Variants in CLIC4 observed in about 807,000 individuals in gnomAD.
CLIC4 encodes the protein chloride intracellular channel protein 4.
CLIC4 carries 13 observed loss-of-function variants against 24.6 expected under a neutral mutation model. The ratio of observed to expected loss-of-function variants is 0.53; its 90% CI spans 0.34 to 0.84. CLIC4 has a LOEUF of 0.84. CLIC4 is among the 40% of genes least tolerant of loss of function. CLIC4 has a pLI of 0.01. For synonymous variants in CLIC4, 104 were observed against 111.3 expected (o/e 0.93, Z 0.41); for missense variants, 227 against 301.7 (o/e 0.75, Z 1.83).
In CLIC4 at chr1:24,823,786, A is replaced by G. The variant is rs1253066993; in HGVS notation, c.309-3224A>G. On this transcript the variant is annotated intron_variant, in intron 3 of 5. Coordinates refer to ENST00000374379, the MANE Select transcript of CLIC4 (RefSeq NM_013943.3). The stretch of plus-strand genomic sequence containing the variant: ...CAAAACTCTGTCTCAAAAAAAAAAA[A>G]AAAAAAGACATACAAAAAAGGAATT... Among the ~76,000 whole-genome samples, 3 of 151,588 alleles carry G rather than the reference A, an allele frequency of 2.0e-5. No individual in the cohort carries two copies. The East Asian group carries it at 5.8e-4, about 29-fold the overall frequency.
chr1:24,808,909 C>T (rs1450828955), intron 2 of CLIC4, among the ~76,000 whole-genome samples: 1 of 152,088 alleles, frequency 6.6e-6, no homozygotes, highest in Non-Finnish European at 1.5e-5. Context: ...AACTCCCGAC[C>T]TCAAGTGATC....
chr1:24,829,802 G>T (rs958163591), intron 4 of CLIC4, among the ~76,000 whole-genome samples: 2 of 152,070 alleles, frequency 1.3e-5, no homozygotes, highest in African/African-American at 4.8e-5. Context: ...CACTACTCCT[G>T]CCTTTCTCTC....
intron 1 of CLIC4, among the ~76,000 whole-genome samples, chr1:24,749,124 G>A (rs1336773769): frequency 6.6e-6 from 1 of 151,906 alleles, no homozygotes; most frequent in Non-Finnish European, 1.5e-5. Flanking sequence ...TGAGGCAGGA[G>A]AATTGCTTGA....
At chr1:24,837,094 G>C (rs1639893369) in intron 4 of CLIC4, among the ~76,000 whole-genome samples, 1 of 151,960 alleles carries the variant, frequency 6.6e-6, no homozygotes, top group Non-Finnish European at 1.5e-5. Context: ...TAAGGAAGTA[G>C]AAAACAAACA....
intron 1 of CLIC4, among the ~76,000 whole-genome samples, chr1:24,783,070 C>T (rs910511502): frequency 1.3e-5 from 2 of 152,134 alleles, no homozygotes; most frequent in Non-Finnish European, 1.5e-5. Context: ...ACTCTATTTG[C>T]TTTATTATTT....
intron 1 of CLIC4, among the ~76,000 whole-genome samples, chr1:24,756,480 CTT>C (rs1328630051): frequency 6.6e-6 from 1 of 152,106 alleles, no homozygotes; most frequent in Non-Finnish European, 1.5e-5. Context: ...TTTTCTTTCT[CTT>C]TTTTTGGTAA....
chr1:24,760,401 G>A (rs1557795437), intron 1 of CLIC4, among the ~76,000 whole-genome samples: 1 of 151,988 alleles, frequency 6.6e-6, no homozygotes, highest in Non-Finnish European at 1.5e-5. Flanking sequence ...ATCTTAAATA[G>A]ATCCTGCTTT....
intron 2 of CLIC4, among the ~76,000 whole-genome samples, chr1:24,801,682 A>G (rs750673919): frequency 3.3e-5 from 5 of 152,238 alleles, no homozygotes; most frequent in Non-Finnish European, 7.3e-5. Context: ...CCTGAGAGCT[A>G]TAATTCCATT....
intron 1 of CLIC4, among the ~76,000 whole-genome samples, chr1:24,747,548 A>AG (rs1553188162): frequency 4.2e-4 from 64 of 150,612 alleles, no homozygotes; most frequent in African/African-American, 1.0e-3. Flanking sequence ...AAAAAAAAAA[A>AG]AAAGAAAGAA....
chr1:24,760,543 T>G (rs1302459581), intron 1 of CLIC4, among the ~76,000 whole-genome samples: 4 of 152,166 alleles, frequency 2.6e-5, no homozygotes, highest in Non-Finnish European at 5.9e-5. Context: ...AAACATGCTC[T>G]GCACTTCTCT....
chr1:24,794,229 T>G (rs1219099129), intron 1 of CLIC4, among the ~76,000 whole-genome samples: 1 of 152,236 alleles, frequency 6.6e-6, no homozygotes, highest in African/African-American at 2.4e-5. Context: ...CTGAGTCGAA[T>G]GGTAGTTCTG....
intron 2 of CLIC4, among the ~76,000 whole-genome samples, chr1:24,799,376 C>T (rs893914215): frequency 1.1e-4 from 16 of 151,688 alleles, no homozygotes; most frequent in African/African-American, 1.9e-4. Flanking sequence ...TCTGTCCGGC[C>T]GCCCCGTCTG....
At chr1:24,807,754 C>G (rs557594680) in intron 2 of CLIC4, among the ~76,000 whole-genome samples, 1 of 152,138 alleles carries the variant, frequency 6.6e-6, no homozygotes, top group South Asian at 2.1e-4. Flanking sequence ...CTAACAAGAC[C>G]TTCTTCCCCT....
At chr1:24,762,781 A>G (rs1472881899) in intron 1 of CLIC4, among the ~76,000 whole-genome samples, 1 of 152,178 alleles carries the variant, frequency 6.6e-6, no homozygotes, top group Non-Finnish European at 1.5e-5. Context: ...ATAGGAAGTA[A>G]GAGACTGGAG....
intron 1 of CLIC4, among the ~76,000 whole-genome samples, chr1:24,754,031 CG>C: frequency 6.6e-6 from 1 of 151,864 alleles, no homozygotes; most frequent in East Asian, 1.9e-4. Flanking sequence ...TTGAGGTTTC[CG>C]GGGGGAAAAT....
intron 1 of CLIC4, among the ~76,000 whole-genome samples, chr1:24,748,748 C>G (rs1431361809): frequency 3.3e-5 from 5 of 151,974 alleles, no homozygotes. Flanking sequence ...ATCTGCCTGC[C>G]TTGGCCTCCC....
chr1:24,755,890 C>T (rs181526855), intron 1 of CLIC4, among the ~76,000 whole-genome samples: 8 of 151,690 alleles, frequency 5.3e-5, no homozygotes, highest in Admixed American at 3.3e-4. Context: ...GGTGCGATCT[C>T]GGCTCACTGC....
chr1:24,773,240 A>G (rs2124103773), intron 1 of CLIC4, among the ~76,000 whole-genome samples: 1 of 152,226 alleles, frequency 6.6e-6, no homozygotes, highest in South Asian at 2.1e-4. Flanking sequence ...TGACTCTACT[A>G]CTGAACTCTT....
At chr1:24,826,938 A>G (rs41292295) in intron 3 of CLIC4, 72 bp from the exon 4 acceptor site, 67 of 977,038 alleles carry the variant, frequency 6.9e-5, no homozygotes, top group Middle Eastern at 6.8e-4. Context: ...AACTGCTAGC[A>G]TGGTGGTTTG....
Sources: allele counts gnomAD v4.1 joint callset (sites outside exome capture counted in the v4.1 genomes callset), GRCh38; gene constraint gnomAD v4.1.1; transcripts MANE v1.5; gene names NCBI Gene and HGNC (gene_info 2026-07-23, HGNC 2026-07-21).